The following SERPINB3 variants were observed in gnomAD, a reference collection of about 807,000 sequenced individuals.
SERPINB3 encodes serpin family B member 3.
Under a neutral mutation model 33.0 loss-of-function variants are expected in SERPINB3, and 33 were observed. That is an observed-to-expected ratio of 1.00 (90% CI 0.76 to 1.34). The LOEUF (loss-of-function observed/expected upper bound fraction) is 1.34. SERPINB3 is among the 40% of genes most tolerant of loss of function. SERPINB3 has a pLI of 0.00. For missense variants in SERPINB3, 518 were observed against 461.5 expected (o/e 1.12, Z -1.12); for synonymous variants, 200 against 170.9 (o/e 1.17, Z -1.33).
intron 4 of SERPINB3, among the ~76,000 whole-genome samples, chr18:63,658,901 TC>T: frequency 1.3e-5 from 2 of 152,318 alleles, no homozygotes; most frequent in Non-Finnish European, 2.9e-5. Flanking sequence ...AGAGCAGGCT[TC>T]CCTGAAGGAG....
At chr18:63,658,458 G>C (rs1471190614) in intron 5 of SERPINB3, 55 bp downstream of exon 5, 13 of 1,477,184 alleles carry the variant, frequency 8.8e-6, no homozygotes, top group Non-Finnish European at 1.2e-5. Context: ...TTCAGGCATA[G>C]GGCTCACTCG....
intron 7 of SERPINB3, 105 bp downstream of exon 7, chr18:63,656,726 A>T: frequency 1.5e-6 from 2 of 1,352,938 alleles, no homozygotes; most frequent in Non-Finnish European, 2.0e-6. Context: ...AGAATTTTTC[A>T]TTATTTTGAG....
intron 3 of SERPINB3, 22 bp from the exon 4 acceptor site, chr18:63,659,549 A>G (rs564698475): frequency 6.2e-7 from 1 of 1,613,188 alleles, no homozygotes; most frequent in South Asian, 1.1e-5. Flanking sequence ...AAAAAAGGAG[A>G]TCATTCAATT....
chr18:63,656,866 C>T lies in SERPINB3; in HGVS notation c.733G>A (p.Val245Met), dbSNP rs1387120873. Residue 245 changes from valine to methionine, a missense_variant, in exon 7 of 8, where the codon GTG becomes ATG. Transcript: ENST00000283752. ...PYKGKDLSMI[V>M]LLPNEIDGLQ... Reference sequence around the variant, plus strand: ...CCATCGATTTCATTTGGCAGCAACACAATCATGCTTAGATCTTTGCCTTTG... The same window carrying T: ...CCATCGATTTCATTTGGCAGCAACATAATCATGCTTAGATCTTTGCCTTTG... 1.9e-6 allele frequency: 3 copies of T among 1,612,486 alleles called. No homozygotes were observed. Among genetic ancestry groups the T allele is most frequent in the Admixed American group, 1.7e-5 (1 of 59,970 alleles).
chr18:63,656,753 C>G (rs1035503182), intron 7 of SERPINB3, 78 bp downstream of exon 7: 35 of 1,483,140 alleles, frequency 2.4e-5, no homozygotes, highest in Admixed American at 3.9e-5. Context: ...CGGTCACCAG[C>G]TTTTACCTTG....
Position 63,658,389 on chromosome 18 carries a change from C to T in SERPINB3, c.469+124G>A, listed in dbSNP as rs565057280. 9.4e-6 allele frequency: 7 copies of T among 743,278 alleles called. No homozygotes were observed. In the African/African-American group the frequency reaches 1.1e-4, roughly 11 times the overall value. The allele number at this position is 743,278 out of a possible 1,614,324, so 46.0% of individuals were successfully genotyped here. On this transcript the variant is annotated intron_variant, in intron 5 of 7. Transcript: ENST00000283752. ...TTGGAAAAACTCTTCATCTGGAGTG[C>T]CCTCTTCTTCCCTCCCTGCAAAGCC...
intron 1 of SERPINB3, 57 bp from the exon 2 acceptor site, chr18:63,661,299 T>C: frequency 6.7e-7 from 1 of 1,493,406 alleles, no homozygotes; most frequent in Non-Finnish European, 9.1e-7. Flanking sequence ...TGGTATTTTG[T>C]AGTACAATTT....
chr18:63,661,416 T>G (rs1236580775), intron 1 of SERPINB3, among the ~76,000 whole-genome samples, 174 bp from the exon 2 acceptor site: 2 of 152,190 alleles, frequency 1.3e-5, no homozygotes, highest in African/African-American at 4.8e-5. Context: ...ATTAAATATA[T>G]TAATGTCTTA....
At chr18:63,657,736 A>G (rs548195448) in intron 5 of SERPINB3, among the ~76,000 whole-genome samples, 337 of 150,070 alleles carry the variant, frequency 2.2e-3, no homozygotes, top group African/African-American at 8.0e-3. Context: ...CTCTTTCAAC[A>G]TGTGTCTTTC....
chr18:63,656,189 T>C, intron 7 of SERPINB3, 128 bp from the exon 8 acceptor site: 1 of 1,135,974 alleles, frequency 8.8e-7, no homozygotes, highest in East Asian at 2.6e-5. Flanking sequence ...TTCACTTTAT[T>C]AGATATTATT....
intron 4 of SERPINB3, 90 bp downstream of exon 4, chr18:63,659,309 G>A (rs1484807028): frequency 1.4e-6 from 2 of 1,420,230 alleles, no homozygotes; most frequent in African/African-American, 1.4e-5. Flanking sequence ...GGATCGGTCA[G>A]GCTCATCTGC....
At chr18:63,657,460 T>A in intron 5 of SERPINB3, 48 bp from the exon 6 acceptor site, 1 of 1,485,762 alleles carries the variant, frequency 6.7e-7, no homozygotes, top group Non-Finnish European at 9.1e-7. Context: ...TACAAATGGC[T>A]TGTCTGGAAG....
chr18:63,658,210 G>A (rs1023862265), intron 5 of SERPINB3, among the ~76,000 whole-genome samples: 1 of 152,108 alleles, frequency 6.6e-6, no homozygotes, highest in African/African-American at 2.4e-5. Context: ...TTAAAGTAAA[G>A]GACATGATCT....
intron 5 of SERPINB3, among the ~76,000 whole-genome samples, chr18:63,657,702 ATAC>A (rs916581923): frequency 1.1e-4 from 17 of 152,070 alleles, no homozygotes; most frequent in African/African-American, 4.1e-4. Flanking sequence ...CTGATTTGGA[ATAC>A]TGATAAACTG....
intron 1 of SERPINB3, among the ~76,000 whole-genome samples, 164 bp downstream of exon 1, chr18:63,661,682 G>C (rs1028900411): frequency 2.6e-5 from 4 of 151,664 alleles, no homozygotes; most frequent in African/African-American, 7.3e-5. Flanking sequence ...AAGCAATTTA[G>C]ATAAAGGACA....
intron 5 of SERPINB3, 48 bp from the exon 6 acceptor site, chr18:63,657,460 T>G (rs1479562460): frequency 6.7e-7 from 1 of 1,485,644 alleles, no homozygotes; most frequent in African/African-American, 1.4e-5. Flanking sequence ...TACAAATGGC[T>G]TGTCTGGAAG....
chr18:63,658,436 C>T (rs1456646098), intron 5 of SERPINB3, 77 bp downstream of exon 5: 5 of 1,197,400 alleles, frequency 4.2e-6, no homozygotes, highest in East Asian at 4.7e-5. Flanking sequence ...CACCCATGGT[C>T]CCCCATGCAG....
intron 2 of SERPINB3, 43 bp downstream of exon 2, chr18:63,661,009 G>A: frequency 6.2e-7 from 1 of 1,611,972 alleles, no homozygotes; most frequent in African/African-American, 1.3e-5. Flanking sequence ...GACGGAACCA[G>A]AGAAAAACTG....
In SERPINB3 at chr18:63,661,254, T is replaced by C. The variant is rs370532222; in HGVS notation, c.-26-12A>G. 3.1e-6 allele frequency: 5 copies of C among 1,596,046 alleles called. No individual in the cohort carries two copies. The highest frequency in any genetic ancestry group is 1.1e-5 in the South Asian group (1 of 87,746). ...GTGATCTGGAACTCCTGGAAAAGCA[T>C]CAGATTCCTGTCAGAATGACTTTAA... On this transcript the variant is annotated splice_polypyrimidine_tract_variant and intron_variant, in intron 1 of 7. Coordinates refer to ENST00000283752, the MANE Select transcript of SERPINB3 (RefSeq NM_006919.3).
Sources: gnomAD v4.1 joint callset for allele counts (sites outside exome capture counted in the v4.1 genomes callset) on GRCh38, gnomAD v4.1.1 for gene constraint, MANE v1.5 for transcripts, NCBI Gene and HGNC (gene_info 2026-07-23, HGNC 2026-07-21) for gene names.